The following GALNT13 variants were observed in gnomAD, a reference collection of about 807,000 sequenced individuals.
The protein encoded by GALNT13 is UDP-GalNAc:polypeptide N-acetylgalactosaminyltransferase 13.
A neutral mutation model predicts 64.2 loss-of-function variants in GALNT13; 28 were observed. The ratio of observed to expected loss-of-function variants is 0.44; its 90% CI spans 0.32 to 0.60. GALNT13 has a LOEUF of 0.60. Among genes scored for constraint, GALNT13 ranks in the 20% least tolerant of loss-of-function variants. The probability of loss-of-function intolerance (pLI) is 0.05; values close to 1 mark genes in which losing one functional copy is unlikely to be tolerated. For synonymous variants in GALNT13, 214 were observed against 224.6 expected (o/e 0.95, Z 0.42); for missense variants, 577 against 669.8 (o/e 0.86, Z 1.53).
intron 9 of GALNT13, among the ~76,000 whole-genome samples, chr2:154,366,190 C>G (rs1398991462): frequency 6.6e-6 from 1 of 152,044 alleles, no homozygotes; most frequent in African/African-American, 2.4e-5. Flanking sequence ...CTTCCTTACC[C>G]CTAAAAAATG....
intron 3 of GALNT13, among the ~76,000 whole-genome samples, chr2:154,136,176 G>T (rs944203723): frequency 3.3e-5 from 5 of 152,108 alleles, no homozygotes; most frequent in African/African-American, 1.2e-4. Flanking sequence ...TGAAAAGAAA[G>T]ATTTTAAAGG....
chr2:153,529,577 C>T, the GALNT13 span, among the ~76,000 whole-genome samples: 7 of 151,796 alleles, frequency 4.6e-5, no homozygotes, highest in Non-Finnish European at 8.8e-5. Context: ...CCACTATTAC[C>T]CTGATATCAA....
intron 9 of GALNT13, among the ~76,000 whole-genome samples, chr2:154,384,522 A>T (rs1698416402): frequency 6.6e-6 from 1 of 151,846 alleles, no homozygotes; most frequent in Non-Finnish European, 1.5e-5. Flanking sequence ...ATAATGCAAA[A>T]CTTCCTTTTT....
At chr2:153,285,127 C>T in the GALNT13 span, among the ~76,000 whole-genome samples, 1 of 151,784 alleles carries the variant, frequency 6.6e-6, no homozygotes. Context: ...GGCATCTCTT[C>T]ACAGGGCGGC....
the GALNT13 span, among the ~76,000 whole-genome samples, chr2:153,846,064 T>C: frequency 6.6e-6 from 1 of 152,140 alleles, no homozygotes; most frequent in Non-Finnish European, 1.5e-5. Flanking sequence ...ACTTTTCTTA[T>C]TAGCAAATAA....
chr2:153,809,742 C>G, the GALNT13 span, among the ~76,000 whole-genome samples: 1 of 152,094 alleles, frequency 6.6e-6, no homozygotes, highest in East Asian at 1.9e-4. Flanking sequence ...ATATTATGTA[C>G]TACGCCTTTA....
In GALNT13 at chr2:154,180,220, CTT is replaced by C. The variant is rs1685878941; in HGVS notation, c.311+39718_311+39719del. 2.6e-5 allele frequency among the ~76,000 whole-genome samples: 4 copies of C among 152,116 alleles called. No homozygotes were observed. The South Asian group carries it at 8.3e-4, about 32-fold the overall frequency. ...TTTTTGTGCTTTTTATTCAGTGACT[CTT>C]TTATGCCATTTCAAAATATAAATAG... On this transcript the variant is annotated intron_variant, in intron 4 of 12. Transcript: ENST00000392825.
At position 154,035,169 on chromosome 2, in the gene GALNT13, A is replaced by C. The variant is rs183882937; in HGVS notation, c.142+90530A>C. Among the ~76,000 whole-genome samples, 161 of 152,196 alleles carry C rather than the reference A, an allele frequency of 1.1e-3. 2 individuals carry two copies. Among genetic ancestry groups the C allele is most frequent in the Non-Finnish European group, 2.0e-3 (135 of 67,942 alleles). The stretch of plus-strand genomic sequence containing the variant: ...GATAAAGTAAATGTGAAGTATATAT[A>C]CACACACACATAGACACACTTGGAT... On this transcript the variant is annotated intron_variant, in intron 3 of 12. Coordinates refer to ENST00000392825, the MANE Select transcript of GALNT13 (RefSeq NM_052917.4).
At chr2:153,338,147 G>A in the GALNT13 span, among the ~76,000 whole-genome samples, 1 of 152,030 alleles carries the variant, frequency 6.6e-6, no homozygotes, top group South Asian at 2.1e-4. Context: ...AAAAAAATTA[G>A]CCAGTCATGG....
At chr2:154,352,335 C>T (rs189385344) in intron 9 of GALNT13, among the ~76,000 whole-genome samples, 2 of 152,274 alleles carry the variant, frequency 1.3e-5, no homozygotes, top group East Asian at 1.9e-4. Flanking sequence ...TAAGATTATG[C>T]CAAGACTGGT....
At chr2:153,401,040 C>T in the GALNT13 span, among the ~76,000 whole-genome samples, 2 of 151,372 alleles carry the variant, frequency 1.3e-5, no homozygotes, top group Non-Finnish European at 3.0e-5. Context: ...TTGGATCTTT[C>T]CTGCTTTCTC....
chr2:154,010,082 A>G (rs150318809), intron 3 of GALNT13, among the ~76,000 whole-genome samples: 4 of 152,276 alleles, frequency 2.6e-5, no homozygotes, highest in African/African-American at 9.6e-5. Context: ...TGGATTTCTC[A>G]AGGTATGAAA....
chr2:153,073,591 T>C, the GALNT13 span, among the ~76,000 whole-genome samples: 2 of 152,118 alleles, frequency 1.3e-5, no homozygotes, highest in African/African-American at 4.8e-5. Flanking sequence ...TTGAAGAAAA[T>C]TCCAGATATT....
chr2:153,484,109 T>C, the GALNT13 span, among the ~76,000 whole-genome samples: 1 of 152,144 alleles, frequency 6.6e-6, no homozygotes, highest in Non-Finnish European at 1.5e-5. Flanking sequence ...TTTTTGAAAA[T>C]ACAGAACACT....
At chr2:153,142,526 T>A in the GALNT13 span, among the ~76,000 whole-genome samples, 2 of 151,960 alleles carry the variant, frequency 1.3e-5, no homozygotes, top group Non-Finnish European at 2.9e-5. Flanking sequence ...ACGTATATTA[T>A]CTTTTAGCCC....
intron 3 of GALNT13, among the ~76,000 whole-genome samples, chr2:154,115,092 T>C (rs1396352749): frequency 6.6e-6 from 1 of 152,176 alleles, no homozygotes. Flanking sequence ...GTATGTCTTC[T>C]AGACACTCCC....
chr2:153,337,072 T>G, the GALNT13 span, among the ~76,000 whole-genome samples: 1 of 152,234 alleles, frequency 6.6e-6, no homozygotes, highest in Non-Finnish European at 1.5e-5. Context: ...TAAGTGCAAT[T>G]AAACCTCTTT....
intron 4 of GALNT13, among the ~76,000 whole-genome samples, chr2:154,224,324 A>G (rs62171200): frequency 6.6e-6 from 1 of 152,140 alleles, no homozygotes; most frequent in African/African-American, 2.4e-5. Flanking sequence ...TATAAATTTT[A>G]CATAAAAATA....
chr2:153,968,622 A>G (rs1693537857), intron 3 of GALNT13, among the ~76,000 whole-genome samples: 1 of 152,244 alleles, frequency 6.6e-6, no homozygotes. Flanking sequence ...GTGGGCAACA[A>G]TCTCTAGAGG....
Sources: gnomAD v4.1 joint callset for allele counts (sites outside exome capture counted in the v4.1 genomes callset) on GRCh38, gnomAD v4.1.1 for gene constraint, MANE v1.5 for transcripts, NCBI Gene and HGNC (gene_info 2026-07-23, HGNC 2026-07-21) for gene names.